Variants in DEPDC5 observed in about 807,000 individuals in gnomAD.
DEPDC5 encodes DEP domain containing 5, GATOR1 subcomplex subunit.
A neutral mutation model predicts 217.3 loss-of-function variants in DEPDC5; 73 were observed. The ratio of observed to expected loss-of-function variants is 0.34; its 90% CI spans 0.28 to 0.41. The LOEUF (loss-of-function observed/expected upper bound fraction) is 0.41, where lower values mean the gene tolerates loss of function less well. Among genes scored for constraint, DEPDC5 ranks in the 10% least tolerant of loss-of-function variants. DEPDC5 has a pLI of 1.00. For synonymous variants in DEPDC5, 733 were observed against 756.7 expected, an observed-to-expected ratio of 0.97 and a Z score of 0.51; for missense variants, 1,675 against 2,070.1, an observed-to-expected ratio of 0.81 and a Z score of 3.70.
rs763490776 is a variant in DEPDC5 at position 31,843,661 on chromosome 22, G to A, written c.2650G>A (p.Ala884Thr). 1 of 1,606,144 alleles carries A rather than the reference G, an allele frequency of 6.2e-7. No homozygotes were observed. Among genetic ancestry groups the A allele is most frequent in the Admixed American group, 1.7e-5 (1 of 59,894 alleles). ...RYLPKYPYES[A>T]QIHYTYSLCP... ...ATTTTGCAGGTATCCTTATGAATCT[G>A]CCCAGATCCACTACACCTACAGCCT... The change falls in exon 29 of 43, where the codon GCC (alanine) becomes ACC (threonine). Residue 884 changes from alanine (A) to threonine (T), a missense_variant. By Grantham distance (58) the Ala-to-Thr change is moderately conservative (BLOSUM62 0). Coordinates refer to ENST00000651528, the MANE Select transcript of DEPDC5 (RefSeq NM_001242896.3).
At chr22:31,793,300 C>T (rs897889653) in intron 12 of DEPDC5, among the ~76,000 whole-genome samples, 3 of 151,892 alleles carry the variant, frequency 2.0e-5, no homozygotes, top group Non-Finnish European at 1.5e-5. Context: ...TCGTACTTGC[C>T]GTCTCCAAGA....
At chr22:31,865,060 A>G (rs1032968396) in intron 33 of DEPDC5, among the ~76,000 whole-genome samples, 2 of 141,894 alleles carry the variant, frequency 1.4e-5, no homozygotes, top group Non-Finnish European at 2.9e-5. Context: ...TCCTGACCTC[A>G]GGTGATCTAC....
intron 17 of DEPDC5, among the ~76,000 whole-genome samples, chr22:31,805,661 C>A (rs944182595): frequency 6.6e-6 from 1 of 152,002 alleles, no homozygotes; most frequent in African/African-American, 2.4e-5. Context: ...CCGCCACGCC[C>A]GGCTAATTTT....
At chr22:31,873,431 A>T in intron 35 of DEPDC5, 99 bp downstream of exon 35, 1 of 1,311,532 alleles carries the variant, frequency 7.6e-7, no homozygotes, top group Non-Finnish European at 1.1e-6. Flanking sequence ...ACATGACTGT[A>T]CTTCTCACCA....
At chr22:31,834,767 G>T (rs1211835384) in intron 25 of DEPDC5, among the ~76,000 whole-genome samples, 1 of 151,408 alleles carries the variant, frequency 6.6e-6, no homozygotes, top group Non-Finnish European at 1.5e-5. Flanking sequence ...CTGACCTCGT[G>T]ATCCGCCCGC....
rs2091770962 is a variant in DEPDC5, at chr22:31,846,934, T to C, written c.3122T>C (p.Leu1041Pro). 6.2e-7 allele frequency: 1 copy of C among 1,614,122 alleles called. No homozygotes were observed. The highest frequency in any genetic ancestry group is 1.3e-5 in the African/African-American group (1 of 74,944). The stretch of plus-strand genomic sequence containing the variant: ...GTGGGGAAGAAGGGAACCTCAGCTC[T>C]CTCTGCCCTGTTGGAGATGGAGGCC... ...PPVGKKGTSALSALLEMEASQ... is the reference protein window; with the variant it reads ...PPVGKKGTSAPSALLEMEASQ... Residue 1041 changes from leucine to proline, a missense_variant, in exon 31 of 43, where the codon CTC (leucine) becomes CCC (proline). This residue lies in a region of DEPDC5 where 293 missense variants were observed against 386.1 expected (regional missense o/e 0.76). Transcript: ENST00000651528.
chr22:31,884,861 C>T (rs1174160192), intron 38 of DEPDC5, among the ~76,000 whole-genome samples: 1 of 152,118 alleles, frequency 6.6e-6, no homozygotes, highest in Non-Finnish European at 1.5e-5. Flanking sequence ...TCATTCTAGT[C>T]ACTTAGGTAG....
At chr22:31,815,841 A>G in intron 21 of DEPDC5, 1 of 1,154,798 alleles carries the variant, frequency 8.7e-7, no homozygotes, top group Non-Finnish European at 1.1e-6. Flanking sequence ...TGCCTCTATT[A>G]TACTATTTTT....
intron 21 of DEPDC5, chr22:31,817,443 T>C (rs1233462091): frequency 4.2e-6 from 2 of 481,592 alleles, no homozygotes; most frequent in African/African-American, 4.0e-5. Context: ...GGTGGCTTTT[T>C]ATATATGCAT....
rs1424830178 is a variant in DEPDC5 at position 31,857,426 on chromosome 22, G to A, written c.3156-19G>A. The A allele has an allele frequency of 1.9e-6, 3 of 1,580,342 alleles. No individual in the cohort carries two copies. The highest frequency in any genetic ancestry group is 1.8e-5 in the Admixed American group (1 of 55,032). ...GGAGCTCTGAGCAAGCTGCTGTCAT[G>A]TGCTTTTCCTCCTTTCAGGTGCCTG... On this transcript the variant is annotated intron_variant, in intron 31 of 42. Coordinates refer to ENST00000651528, the MANE Select transcript of DEPDC5 (RefSeq NM_001242896.3).
At chr22:31,763,738 A>C (rs1256267431) in intron 4 of DEPDC5, among the ~76,000 whole-genome samples, 2 of 151,702 alleles carry the variant, frequency 1.3e-5, no homozygotes, top group Non-Finnish European at 2.9e-5. Context: ...CTGGCTATCC[A>C]CTCATATTTA....
chr22:31,795,760 C>T (rs1460960892), intron 12 of DEPDC5, among the ~76,000 whole-genome samples: 3 of 145,060 alleles, frequency 2.1e-5, no homozygotes, highest in Non-Finnish European at 4.5e-5. Flanking sequence ...GTCGGAGTTT[C>T]GCTCTTGTTG....
At chr22:31,883,093 T>G (rs938244646) in intron 38 of DEPDC5, among the ~76,000 whole-genome samples, 1 of 152,176 alleles carries the variant, frequency 6.6e-6, no homozygotes, top group African/African-American at 2.4e-5. Context: ...TGGAGGATGT[T>G]GAGCAGCATC....
At position 31,783,950 on chromosome 22, in the gene DEPDC5, A is replaced by T; in HGVS notation, c.527A>T (p.Gln176Leu). Residue 176 changes from glutamine to leucine, a missense_variant, in exon 9 of 43, where the codon CAG becomes CTG. Gln to Leu is a moderately radical substitution (Grantham distance 113, BLOSUM62 -2). Transcript: ENST00000651528. ...STSAMVYIFIQMSCEMWDFDI... is the reference protein window; with the variant it reads ...STSAMVYIFILMSCEMWDFDI... ...TCGGCTATGGTTTACATATTTATTC[A>T]GATGAGCTGTGAAATGTGGGATTTT... The T allele has an allele frequency of 1.9e-6, 3 of 1,613,734 alleles. No homozygotes were observed. The highest frequency in any genetic ancestry group is 2.5e-6 in the Non-Finnish European group (3 of 1,179,798).
chr22:31,852,628 C>G (rs749497400), intron 31 of DEPDC5, among the ~76,000 whole-genome samples: 1 of 152,146 alleles, frequency 6.6e-6, no homozygotes, highest in East Asian at 1.9e-4. Context: ...CGTGAGCCAC[C>G]GAGCCTGGCT....
chr22:31,838,975 T>C (rs2091223858), intron 27 of DEPDC5, 130 bp downstream of exon 27: 2 of 998,526 alleles, frequency 2.0e-6, no homozygotes, highest in Non-Finnish European at 2.9e-6. Flanking sequence ...CTTTATAAAT[T>C]CTACTTAAGT....
chr22:31,837,368 T>C, intron 26 of DEPDC5: 1 of 596,916 alleles, frequency 1.7e-6, no homozygotes, highest in Non-Finnish European at 2.8e-6. Context: ...TTTTTTTAAC[T>C]GAGAGAGGGT....
At position 31,796,415 on chromosome 22, in the gene DEPDC5, T is replaced by G. The variant is rs552561577; in HGVS notation, c.768-1185T>G. On this transcript the variant is annotated intron_variant, in intron 12 of 42. Coordinates refer to ENST00000651528, the MANE Select transcript of DEPDC5 (RefSeq NM_001242896.3). Reference sequence around the variant, plus strand: ...ACTGCCTGGCCCACTGTATCATTTTTTATTTCTACATAGAAATTACATTGG... The same window carrying G: ...ACTGCCTGGCCCACTGTATCATTTTGTATTTCTACATAGAAATTACATTGG... Among the ~76,000 whole-genome samples, 6 of 152,334 alleles carry G rather than the reference T, an allele frequency of 3.9e-5. 1 individual carries two copies. In the South Asian group the frequency reaches 1.2e-3, roughly 32 times the overall value.
chr22:31,788,999 C>T (rs978699873), intron 10 of DEPDC5, among the ~76,000 whole-genome samples: 3 of 152,138 alleles, frequency 2.0e-5, no homozygotes, highest in East Asian at 1.9e-4. Context: ...CAGGTACAAG[C>T]GATTCTCGTC....
Sources: allele counts gnomAD v4.1 joint callset (sites outside exome capture counted in the v4.1 genomes callset), GRCh38; gene constraint gnomAD v4.1.1; regional missense constraint gnomAD v4.1.1; transcripts MANE v1.5; gene names NCBI Gene and HGNC (gene_info 2026-07-23, HGNC 2026-07-21).